Variants in CRACD observed in about 807,000 individuals in gnomAD.
The protein encoded by CRACD is capping protein-inhibiting regulator of actin dynamics.
A neutral mutation model predicts 106.8 loss-of-function variants in CRACD; 56 were observed. That is an observed-to-expected ratio of 0.52 (90% CI 0.42 to 0.66). The LOEUF is 0.66. Among genes scored for constraint, CRACD ranks in the 30% least tolerant of loss-of-function variants. The pLI is 0.00. For missense variants in CRACD, 1,730 were observed against 1,623.2 expected (o/e 1.07, Z -1.13); for synonymous variants, 754 against 670.8 (o/e 1.12, Z -1.92).
chr4:56,229,213 C>A (rs1396226020), intron 2 of CRACD, among the ~76,000 whole-genome samples: 1 of 152,156 alleles, frequency 6.6e-6, no homozygotes, highest in Non-Finnish European at 1.5e-5. Flanking sequence ...TATGTTGGAA[C>A]CTAATCCCCA....
At chr4:56,207,452 G>A (rs1263571060) in intron 2 of CRACD, among the ~76,000 whole-genome samples, 1 of 152,130 alleles carries the variant, frequency 6.6e-6, no homozygotes, top group African/African-American at 2.4e-5. Context: ...AACCTGTGAT[G>A]TGGGTTAAGG....
At chr4:56,083,011 A>T (rs190398120) in intron 1 of CRACD, among the ~76,000 whole-genome samples, 141 of 152,292 alleles carry the variant, frequency 9.3e-4, no homozygotes, top group African/African-American at 3.3e-3. Flanking sequence ...AAAGAGACAG[A>T]TGTGCAGAAT....
rs1386822356 is a variant in CRACD, at chr4:56,125,517, C to G, written c.-335-53767C>G. 2.6e-5 allele frequency among the ~76,000 whole-genome samples: 4 copies of G among 152,092 alleles called. No homozygotes were observed. In the East Asian group the frequency reaches 7.7e-4, roughly 29 times the overall value. Reference sequence around the variant, plus strand: ...CACTGCATCCTCAACCTCCTGGGCTCTAGCAGTCCTCCCACCTCAGCCTTC... The same window carrying G: ...CACTGCATCCTCAACCTCCTGGGCTGTAGCAGTCCTCCCACCTCAGCCTTC... On this transcript the variant is annotated intron_variant, in intron 1 of 10. Coordinates refer to ENST00000682029, the MANE Select transcript of CRACD (RefSeq NM_001393381.1).
chr4:56,292,957 A>T (rs566508519), intron 3 of CRACD, among the ~76,000 whole-genome samples: 1 of 152,336 alleles, frequency 6.6e-6, no homozygotes, highest in African/African-American at 2.4e-5. Context: ...TTTCAGATAG[A>T]CTTTCAAATA....
At chr4:56,083,446 C>T (rs1190530206) in intron 1 of CRACD, among the ~76,000 whole-genome samples, 1 of 152,130 alleles carries the variant, frequency 6.6e-6, no homozygotes, top group Non-Finnish European at 1.5e-5. Flanking sequence ...TTAGACTGAA[C>T]TTTGAGAATA....
intron 2 of CRACD, among the ~76,000 whole-genome samples, chr4:56,224,467 A>T (rs999255779): frequency 1.3e-5 from 2 of 152,218 alleles, no homozygotes; most frequent in African/African-American, 4.8e-5. Flanking sequence ...TCAGGTGATT[A>T]TCTTGAGTTT....
intron 2 of CRACD, among the ~76,000 whole-genome samples, chr4:56,215,134 C>T (rs1011775599): frequency 6.6e-6 from 1 of 152,288 alleles, no homozygotes; most frequent in Middle Eastern, 3.4e-3. Context: ...CTCAGCCTCC[C>T]AAGTAGCTAG....
intron 4 of CRACD, among the ~76,000 whole-genome samples, chr4:56,306,583 A>G (rs1744723271): frequency 6.6e-6 from 1 of 152,256 alleles, no homozygotes; most frequent in African/African-American, 2.4e-5. Flanking sequence ...TTTGAGGAAT[A>G]TAATGACTAT....
chr4:56,091,801 T>G (rs1733433277), intron 1 of CRACD, among the ~76,000 whole-genome samples: 1 of 152,168 alleles, frequency 6.6e-6, no homozygotes, highest in African/African-American at 2.4e-5. Flanking sequence ...GGGAGGAAAT[T>G]TATACCCTTT....
chr4:56,295,270 A>T (rs1743941689), intron 3 of CRACD, among the ~76,000 whole-genome samples: 1 of 152,192 alleles, frequency 6.6e-6, no homozygotes, highest in South Asian at 2.1e-4. Flanking sequence ...TAAATATTAT[A>T]TATCAAAAAG....
At chr4:56,080,629 T>C (rs1205471641) in intron 1 of CRACD, among the ~76,000 whole-genome samples, 1 of 152,242 alleles carries the variant, frequency 6.6e-6, no homozygotes, top group Non-Finnish European at 1.5e-5. Context: ...CCCACTTTTA[T>C]GGAACCTACT....
intron 1 of CRACD, chr4:56,097,456 C>T (rs1003522808): frequency 6.6e-6 from 1 of 152,436 alleles, no homozygotes; most frequent in Non-Finnish European, 1.5e-5. Context: ...CAGGGTCGGG[C>T]CTGGTTAGTA....
chr4:56,276,555 T>G (rs1742684247), intron 3 of CRACD, among the ~76,000 whole-genome samples: 1 of 152,248 alleles, frequency 6.6e-6, no homozygotes, highest in Non-Finnish European at 1.5e-5. Context: ...CTATTTAAGA[T>G]TGATATTATT....
intron 1 of CRACD, among the ~76,000 whole-genome samples, chr4:56,128,554 A>C (rs183807586): frequency 6.6e-6 from 1 of 152,336 alleles, no homozygotes; most frequent in African/African-American, 2.4e-5. Flanking sequence ...TCAAAGTGGA[A>C]ACACAATTAG....
intron 1 of CRACD, among the ~76,000 whole-genome samples, chr4:56,160,332 G>A (rs946969280): frequency 4.0e-5 from 6 of 151,800 alleles, no homozygotes; most frequent in African/African-American, 7.3e-5. Context: ...ACAGGCATGT[G>A]CCACCACATC....
intron 2 of CRACD, among the ~76,000 whole-genome samples, chr4:56,205,423 T>G (rs1031104145): frequency 2.6e-5 from 4 of 152,074 alleles, no homozygotes; most frequent in Non-Finnish European, 4.4e-5. Context: ...CAGAGACCAC[T>G]GGGATATACC....
chr4:56,210,579 T>G (rs1468305160), intron 2 of CRACD, among the ~76,000 whole-genome samples: 1 of 152,214 alleles, frequency 6.6e-6, no homozygotes, highest in Non-Finnish European at 1.5e-5. Context: ...AAAGTTTACA[T>G]CTCAAAGCAC....
intron 2 of CRACD, among the ~76,000 whole-genome samples, chr4:56,247,574 G>T (rs1004577672): frequency 6.6e-6 from 1 of 152,126 alleles, no homozygotes; most frequent in Non-Finnish European, 1.5e-5. Flanking sequence ...AGCTGGGCAC[G>T]GTGGCTCATG....
At chr4:56,156,644 C>A (rs1735772459) in intron 1 of CRACD, among the ~76,000 whole-genome samples, 1 of 152,284 alleles carries the variant, frequency 6.6e-6, no homozygotes, top group South Asian at 2.1e-4. Context: ...ATTCATTCAA[C>A]CAGGTTTTTC....
Sources: gnomAD v4.1 joint callset for allele counts (sites outside exome capture counted in the v4.1 genomes callset) on GRCh38, gnomAD v4.1.1 for gene constraint, MANE v1.5 for transcripts, NCBI Gene and HGNC (gene_info 2026-07-23, HGNC 2026-07-21) for gene names.